DOK6: variants seen among roughly 807,000 people sequenced by gnomAD.
The protein encoded by DOK6 is docking protein 6, also known as downstream of tyrosine kinase 6.
Under a neutral mutation model 44.0 loss-of-function variants are expected in DOK6, and 22 were observed. The ratio of observed to expected loss-of-function variants is 0.50; its 90% CI spans 0.36 to 0.71. The LOEUF (loss-of-function observed/expected upper bound fraction) is 0.71. DOK6 is among the 30% of genes least tolerant of loss of function. The pLI, the probability that DOK6 is intolerant of heterozygous loss-of-function variation, is 0.00. For synonymous variants in DOK6, 166 were observed against 145.5 expected (o/e 1.14, Z -1.01); for missense variants, 340 against 416.4 (o/e 0.82, Z 1.60).
At chr18:69,814,903 G>T (rs554850561) in intron 7 of DOK6, among the ~76,000 whole-genome samples, 1 of 152,212 alleles carries the variant, frequency 6.6e-6, no homozygotes, top group Admixed American at 6.5e-5. Flanking sequence ...CAGGTGTCAT[G>T]CGACTAGCAG....
At chr18:69,558,803 A>G (rs1200986984) in intron 1 of DOK6, among the ~76,000 whole-genome samples, 1 of 152,142 alleles carries the variant, frequency 6.6e-6, no homozygotes, top group African/African-American at 2.4e-5. Context: ...ACAGGACGAG[A>G]AAAATCTGAC....
At chr18:69,609,038 G>A (rs13313618) in intron 3 of DOK6, among the ~76,000 whole-genome samples, 58,379 of 150,966 alleles carry the variant, frequency 0.39, 11,206 homozygotes, top group Middle Eastern at 0.54. Context: ...TTTTGGTGCT[G>A]TTGTAAAACT....
At position 69,510,162 on chromosome 18, in the gene DOK6, C is replaced by T. The variant is rs367676325; in HGVS notation, c.67-54325C>T. Among the ~76,000 whole-genome samples the T allele has an allele frequency of 1.1e-4, 16 of 152,276 alleles. No individual in the cohort carries two copies. In the South Asian group the frequency reaches 3.1e-3, roughly 30 times the overall value. Reference sequence around the variant, plus strand: ...AAAGTTTGAATATTCTTGAAACAAACGAATCCTAACATTCTTATTAAGCAC... The same window carrying T: ...AAAGTTTGAATATTCTTGAAACAAATGAATCCTAACATTCTTATTAAGCAC... On this transcript the variant is annotated intron_variant, in intron 1 of 7. Coordinates refer to ENST00000382713, the MANE Select transcript of DOK6 (RefSeq NM_152721.6).
chr18:69,760,395 T>C (rs1395555680), intron 7 of DOK6, among the ~76,000 whole-genome samples: 2 of 152,018 alleles, frequency 1.3e-5, no homozygotes, highest in Non-Finnish European at 2.9e-5. Flanking sequence ...CTTTGAGAGT[T>C]TGATTTTTTT....
chr18:69,761,339 AT>A (rs1452568146), intron 7 of DOK6, among the ~76,000 whole-genome samples: 14 of 152,230 alleles, frequency 9.2e-5, no homozygotes, highest in African/African-American at 3.4e-4. Context: ...GCTGCGACCA[AT>A]TATTACTTTA....
Position 69,586,996 on chromosome 18 carries a change from G to T in DOK6, c.175-12388G>T, listed in dbSNP as rs768010441. 2.0e-5 allele frequency among the ~76,000 whole-genome samples: 3 copies of T among 152,198 alleles called. No homozygotes were observed. In the South Asian group the frequency reaches 6.2e-4, roughly 32 times the overall value. Reference sequence around the variant, plus strand: ...CTGAATAAGCAGGGATGTATCCCTTGCTTTTAAAGAAACAAATATCTTACT... The same window carrying T: ...CTGAATAAGCAGGGATGTATCCCTTTCTTTTAAAGAAACAAATATCTTACT... On this transcript the variant is annotated intron_variant, in intron 2 of 7. Coordinates refer to ENST00000382713, the MANE Select transcript of DOK6 (RefSeq NM_152721.6).
chr18:69,495,888 G>A (rs535970796), intron 1 of DOK6, among the ~76,000 whole-genome samples: 21 of 152,338 alleles, frequency 1.4e-4, no homozygotes, highest in Middle Eastern at 3.4e-3. Context: ...CCAAGTGTGC[G>A]CACACCCAGC....
intron 7 of DOK6, among the ~76,000 whole-genome samples, chr18:69,821,022 C>A (rs549424610): frequency 6.6e-6 from 1 of 152,218 alleles, no homozygotes; most frequent in East Asian, 1.9e-4. Context: ...TATAACAAAC[C>A]TGCACATGAA....
At chr18:69,671,002 C>T (rs934362923) in intron 3 of DOK6, among the ~76,000 whole-genome samples, 44 of 152,222 alleles carry the variant, frequency 2.9e-4, no homozygotes, top group African/African-American at 8.7e-4. Context: ...CGCACACACG[C>T]GCACACATAC....
chr18:69,482,871 T>C (rs1287184172), intron 1 of DOK6, among the ~76,000 whole-genome samples: 1 of 151,990 alleles, frequency 6.6e-6, no homozygotes, highest in Admixed American at 6.6e-5. Context: ...CTTTTAAAAA[T>C]TATTTATTAT....
intron 2 of DOK6, among the ~76,000 whole-genome samples, chr18:69,587,202 T>C (rs1983523568): frequency 6.6e-6 from 1 of 152,172 alleles, no homozygotes; most frequent in African/African-American, 2.4e-5. Context: ...AAATTTATTC[T>C]CTTACAGTTC....
chr18:69,710,033 G>T (rs2144714174), intron 5 of DOK6, among the ~76,000 whole-genome samples: 1 of 152,234 alleles, frequency 6.6e-6, no homozygotes, highest in South Asian at 2.1e-4. Context: ...CAAAAAATTG[G>T]CTGGGTGTGG....
At chr18:69,732,242 G>A (rs917871003) in intron 5 of DOK6, among the ~76,000 whole-genome samples, 1 of 152,078 alleles carries the variant, frequency 6.6e-6, no homozygotes, top group African/African-American at 2.4e-5. Context: ...ATTCCTGATT[G>A]TCAGGGAATA....
intron 7 of DOK6, among the ~76,000 whole-genome samples, chr18:69,835,240 A>C (rs1365552773): frequency 1.3e-5 from 2 of 152,152 alleles, no homozygotes; most frequent in African/African-American, 2.4e-5. Flanking sequence ...AGGTGGGTGG[A>C]TCACGAGGTC....
intron 1 of DOK6, among the ~76,000 whole-genome samples, chr18:69,469,268 TTTTA>T (rs1189479969): frequency 4.6e-5 from 7 of 152,202 alleles, no homozygotes; most frequent in Admixed American, 1.3e-4. Flanking sequence ...ATTTTACCTT[TTTTA>T]TTTATTACTA....
At chr18:69,833,698 TCAAA>T (rs1462985492) in intron 7 of DOK6, among the ~76,000 whole-genome samples, 1 of 151,884 alleles carries the variant, frequency 6.6e-6, no homozygotes, top group Non-Finnish European at 1.5e-5. Context: ...TATAAATAAC[TCAAA>T]CAACTCAGTA....
chr18:69,588,853 A>C (rs1198751414), intron 2 of DOK6, among the ~76,000 whole-genome samples: 1 of 151,894 alleles, frequency 6.6e-6, no homozygotes, highest in Non-Finnish European at 1.5e-5. Context: ...GGCATTTTAT[A>C]ATGTGGTTTA....
At chr18:69,564,233 A>G (rs1982915202) in intron 1 of DOK6, among the ~76,000 whole-genome samples, 1 of 152,220 alleles carries the variant, frequency 6.6e-6, no homozygotes, top group African/African-American at 2.4e-5. Flanking sequence ...TGACATCCAG[A>G]TGATTTAGTT....
intron 1 of DOK6, among the ~76,000 whole-genome samples, chr18:69,551,895 A>G (rs541747968): frequency 6.6e-6 from 1 of 152,222 alleles, no homozygotes; most frequent in Non-Finnish European, 1.5e-5. Context: ...TTAGAAAATC[A>G]CTTCTAAAAT....
Sources: allele counts gnomAD v4.1 joint callset (sites outside exome capture counted in the v4.1 genomes callset), GRCh38; gene constraint gnomAD v4.1.1; transcripts MANE v1.5; gene names NCBI Gene and HGNC (gene_info 2026-07-23, HGNC 2026-07-21).